The following ARHGAP44 variants were observed in gnomAD, a reference collection of about 807,000 sequenced individuals.
ARHGAP44 encodes Rho GTPase activating protein 44, also known as rho GTPase-activating protein 44.
ARHGAP44 carries 43 observed loss-of-function variants against 106.8 expected under a neutral mutation model. That is an observed-to-expected ratio of 0.40 (90% CI 0.32 to 0.52). ARHGAP44 has a LOEUF of 0.52. Among genes scored for constraint, ARHGAP44 ranks in the 20% least tolerant of loss-of-function variants. ARHGAP44 has a pLI of 0.48. For synonymous variants in ARHGAP44, 439 were observed against 410.3 expected, an observed-to-expected ratio of 1.07 and a Z score of -0.85; for missense variants, 866 against 1,050.5, an observed-to-expected ratio of 0.82 and a Z score of 2.43.
At chr17:12,906,009 G>C (rs1799037850) in intron 3 of ARHGAP44, among the ~76,000 whole-genome samples, 2 of 152,126 alleles carry the variant, frequency 1.3e-5, no homozygotes, top group Non-Finnish European at 2.9e-5. Context: ...TGCCTTGTAG[G>C]ATGTTTAGCA....
chr17:12,852,440 G>A (rs2035779413), intron 1 of ARHGAP44, among the ~76,000 whole-genome samples: 1 of 150,070 alleles, frequency 6.7e-6, no homozygotes, highest in African/African-American at 2.4e-5. Context: ...TTTTTTTGAA[G>A]AACCTCTATT....
intron 1 of ARHGAP44, among the ~76,000 whole-genome samples, chr17:12,830,620 A>T (rs566736150): frequency 6.6e-6 from 1 of 152,320 alleles, no homozygotes; most frequent in Non-Finnish European, 1.5e-5. Flanking sequence ...TTGCGACCTT[A>T]GGCAAGTCAT....
intron 9 of ARHGAP44, 146 bp from the exon 10 acceptor site, chr17:12,943,923 A>G: frequency 8.3e-7 from 1 of 1,209,264 alleles, no homozygotes; most frequent in Non-Finnish European, 1.1e-6. Flanking sequence ...TCCTCCTGTC[A>G]TCCTTAAAAC....
intron 3 of ARHGAP44, 116 bp downstream of exon 3, chr17:12,896,627 T>C: frequency 1.2e-6 from 1 of 863,432 alleles, no homozygotes; most frequent in Non-Finnish European, 1.8e-6. Context: ...GCCTGAGAAT[T>C]GACTCAGCAG....
chr17:12,950,134 AC>A (rs2038957558), intron 12 of ARHGAP44, among the ~76,000 whole-genome samples: 1 of 152,200 alleles, frequency 6.6e-6, no homozygotes, highest in Non-Finnish European at 1.5e-5. Context: ...CACACTTAAA[AC>A]AATAGAATTT....
intron 1 of ARHGAP44, among the ~76,000 whole-genome samples, chr17:12,893,490 T>C (rs908347091): frequency 3.3e-5 from 5 of 152,212 alleles, no homozygotes; most frequent in African/African-American, 1.2e-4. Context: ...TGATTTCCAC[T>C]GGTCCTGCAG....
intron 3 of ARHGAP44, among the ~76,000 whole-genome samples, chr17:12,904,406 A>G (rs2037486924): frequency 6.6e-6 from 1 of 152,138 alleles, no homozygotes; most frequent in Non-Finnish European, 1.5e-5. Context: ...GTGCCCGGCC[A>G]ATTTCTTGAT....
At chr17:12,812,916 G>A (rs958603541) in intron 1 of ARHGAP44, among the ~76,000 whole-genome samples, 4 of 152,166 alleles carry the variant, frequency 2.6e-5, no homozygotes, top group Non-Finnish European at 4.4e-5. Flanking sequence ...GTCATATGGT[G>A]TTCTATAAAA....
chr17:12,959,022 G>A lies in ARHGAP44; in HGVS notation c.1523+125G>A, dbSNP rs188937886. 1,319 of 1,179,900 alleles carry A rather than the reference G, an allele frequency of 1.1e-3. 26 individuals carry two copies. Among genetic ancestry groups the A allele is most frequent in the Non-Finnish European group, 1.6e-4 (130 of 825,544 alleles). The allele number at this position is 1,179,900 out of a possible 1,614,324, so 73.1% of individuals were successfully genotyped here. A position where few individuals can be genotyped will look rare whatever the true frequency, so the allele number is the denominator to read the frequency against. ...TGACTCTCAGCAGTTTAGGTGACTC[G>A]TAGCAATTAAACTGTATCTGCTGTG... On this transcript the variant is annotated intron_variant, in intron 16 of 20. Transcript: ENST00000379672.
intron 16 of ARHGAP44, among the ~76,000 whole-genome samples, chr17:12,971,607 T>C (rs2039529050): frequency 6.6e-6 from 1 of 152,188 alleles, no homozygotes; most frequent in African/African-American, 2.4e-5. Context: ...CCGCTGTAAA[T>C]ACCAGGGGAT....
Position 12,984,621 on chromosome 17 carries a change from T to A in ARHGAP44, c.2030T>A (p.Val677Asp). The part of the protein sequence containing the change: ...ADQSAGQPSP[V>D]SLSPTPPSTP... ...CAGTCCGCTGGCCAGCCGTCCCCAGTCAGCCTGTCCCCCACCCCGCCCAGC... is the reference window on the plus strand; with the variant it reads ...CAGTCCGCTGGCCAGCCGTCCCCAGACAGCCTGTCCCCCACCCCGCCCAGC... The change falls in exon 20 of 21, where the codon GTC becomes GAC. Residue 677 changes from valine to aspartate, a missense_variant. Physicochemically the swap from Val to Asp is radical, Grantham distance 152. Transcript: ENST00000379672. 2.5e-6 allele frequency: 4 copies of A among 1,611,478 alleles called. No homozygotes were observed. Among genetic ancestry groups the A allele is most frequent in the African/African-American group, 1.3e-5 (1 of 75,032 alleles).
chr17:12,839,764 C>T (rs2035339653), intron 1 of ARHGAP44, among the ~76,000 whole-genome samples: 1 of 152,152 alleles, frequency 6.6e-6, no homozygotes, highest in African/African-American at 2.4e-5. Flanking sequence ...CTTTAGGCTC[C>T]TCTTCTCTTT....
At chr17:12,963,583 A>T (rs748698137) in intron 16 of ARHGAP44, among the ~76,000 whole-genome samples, 1 of 137,882 alleles carries the variant, frequency 7.3e-6, no homozygotes, top group African/African-American at 2.7e-5. Flanking sequence ...GTGTGCAGAC[A>T]GGCCGGCCTT....
chr17:12,985,055 T>C (rs1345448643), intron 20 of ARHGAP44, 147 bp downstream of exon 20: 1 of 1,033,196 alleles, frequency 9.7e-7, no homozygotes, highest in Non-Finnish European at 1.4e-6. Context: ...TCATAAGATC[T>C]CCTTAGAAGC....
At chr17:12,866,639 A>G (rs2036247274) in intron 1 of ARHGAP44, among the ~76,000 whole-genome samples, 1 of 152,242 alleles carries the variant, frequency 6.6e-6, no homozygotes, top group Admixed American at 6.5e-5. Flanking sequence ...AGGAGAGAGA[A>G]ACTCAGTGAT....
In ARHGAP44 at chr17:12,957,189, C is replaced by T. The variant is rs147421439; in HGVS notation, c.1342+443C>T. On this transcript the variant is annotated intron_variant, in intron 15 of 20. Transcript: ENST00000379672. ...CTCAGGCTGGTCTTGAACTCCTGAC[C>T]TCAGGTGATCTGCCTGCCTCATCCT... 4.5e-3 allele frequency among the ~76,000 whole-genome samples: 688 copies of T among 152,238 alleles called. 3 individuals are homozygous for T. The highest frequency in any genetic ancestry group is 0.013 in the African/African-American group (538 of 41,556).
chr17:12,864,056 C>T (rs942612795), intron 1 of ARHGAP44, among the ~76,000 whole-genome samples: 1 of 152,102 alleles, frequency 6.6e-6, no homozygotes, highest in Non-Finnish European at 1.5e-5. Flanking sequence ...TGTCACCTAC[C>T]CTGGGATGTC....
At chr17:12,961,126 CT>C (rs1342562446) in intron 16 of ARHGAP44, among the ~76,000 whole-genome samples, 1 of 152,152 alleles carries the variant, frequency 6.6e-6, no homozygotes, top group South Asian at 2.1e-4. Context: ...TCTGCCAGAT[CT>C]GGTTTGATTC....
rs1227096383 is a variant in ARHGAP44 at position 12,947,647 on chromosome 17, G to GT, written c.862-1491dup. On this transcript the variant is annotated intron_variant, in intron 10 of 20. Coordinates refer to ENST00000379672, the MANE Select transcript of ARHGAP44 (RefSeq NM_014859.6). ...CCACCTAGTTTTTATGCTTTGCTCA[G>GT]TTACACAATCAAAAATCTAAAGGCT... 2.6e-5 allele frequency among the ~76,000 whole-genome samples: 4 copies of GT among 152,258 alleles called. No homozygotes were observed. The East Asian group carries it at 7.7e-4, about 29-fold the overall frequency.
Sources: allele counts gnomAD v4.1 joint callset (sites outside exome capture counted in the v4.1 genomes callset), GRCh38; gene constraint gnomAD v4.1.1; transcripts MANE v1.5; gene names NCBI Gene and HGNC (gene_info 2026-07-23, HGNC 2026-07-21).